Variants in PPP2R2B observed in about 807,000 individuals in gnomAD.
PPP2R2B encodes the protein protein phosphatase 2 regulatory subunit Bbeta, also known as serine/threonine-protein phosphatase 2A 55 kDa regulatory subunit B beta isoform.
PPP2R2B carries 5 observed loss-of-function variants against 46.0 expected under a neutral mutation model. The observed-to-expected ratio is 0.11, with a 90% CI of 0.06 to 0.23. The LOEUF (loss-of-function observed/expected upper bound fraction) is 0.23. Among genes scored for constraint, PPP2R2B ranks in the 10% least tolerant of loss-of-function variants. The pLI, the probability that PPP2R2B is intolerant of heterozygous loss-of-function variation, is 1.00. For missense variants in PPP2R2B, 367 were observed against 575.0 expected (o/e 0.64, Z 3.70); for synonymous variants, 215 against 206.7 (o/e 1.04, Z -0.34).
chr5:146,730,424 G>A (rs992748196), intron 2 of PPP2R2B, among the ~76,000 whole-genome samples: 3 of 152,130 alleles, frequency 2.0e-5, no homozygotes, highest in Admixed American at 6.5e-5. Flanking sequence ...GGGACTACTG[G>A]GGAGGCATGA....
At chr5:147,007,877 T>A (rs760820411) in intron 1 of PPP2R2B, among the ~76,000 whole-genome samples, 1 of 152,120 alleles carries the variant, frequency 6.6e-6, no homozygotes, top group Non-Finnish European at 1.5e-5. Context: ...CTTTAAGAAC[T>A]GTAACACTCA....
intron 2 of PPP2R2B, among the ~76,000 whole-genome samples, chr5:147,061,491 A>C (rs1757256924): frequency 6.6e-6 from 1 of 152,186 alleles, no homozygotes; most frequent in African/African-American, 2.4e-5. Context: ...TAATTTATTT[A>C]ACATTTGTTT....
chr5:146,964,237 A>G (rs1055734402), intron 1 of PPP2R2B, among the ~76,000 whole-genome samples: 1 of 152,246 alleles, frequency 6.6e-6, no homozygotes, highest in African/African-American at 2.4e-5. Flanking sequence ...GCATTCCATT[A>G]AACACTGTTG....
intron 1 of PPP2R2B, among the ~76,000 whole-genome samples, chr5:147,002,982 C>T: frequency 6.6e-6 from 1 of 152,010 alleles, no homozygotes; most frequent in Admixed American, 6.5e-5. Context: ...TCATTTTTTT[C>T]TGCACTATGG....
At chr5:147,031,272 G>T (rs1356054234) in intron 1 of PPP2R2B, among the ~76,000 whole-genome samples, 2 of 152,014 alleles carry the variant, frequency 1.3e-5, no homozygotes, top group African/African-American at 2.4e-5. Flanking sequence ...TATCTTAAGG[G>T]TTATTTTATT....
chr5:146,671,062 G>A (rs1055652255), intron 5 of PPP2R2B, among the ~76,000 whole-genome samples: 1 of 152,140 alleles, frequency 6.6e-6, no homozygotes. Flanking sequence ...ACATCAAACT[G>A]AGACTTTGGG....
chr5:147,067,912 C>T (rs1391176183), intron 2 of PPP2R2B, among the ~76,000 whole-genome samples: 1 of 152,144 alleles, frequency 6.6e-6, no homozygotes, highest in Non-Finnish European at 1.5e-5. Context: ...CTTGCTCTGA[C>T]ATCGTGTCTG....
intron 3 of PPP2R2B, among the ~76,000 whole-genome samples, chr5:146,698,856 G>T (rs1779373549): frequency 6.6e-6 from 1 of 151,568 alleles, no homozygotes; most frequent in South Asian, 2.1e-4. Context: ...CTTTCCTCTA[G>T]CGCTGATTAT....
At chr5:146,972,377 T>TTATCTCTGGATATGAATCACTAAG (rs1329190153) in intron 1 of PPP2R2B, among the ~76,000 whole-genome samples, 2 of 152,306 alleles carry the variant, frequency 1.3e-5, no homozygotes, top group East Asian at 3.9e-4. Context: ...TGCCACACAC[T>TTATCTCTGGATATGAATCACTAAG]TATCTCTGGA....
intron 1 of PPP2R2B, among the ~76,000 whole-genome samples, chr5:146,942,980 G>GTTCTCTAC (rs1384212676): frequency 3.9e-5 from 6 of 151,986 alleles, no homozygotes; most frequent in African/African-American, 4.8e-5. Flanking sequence ...TTTGTACTTA[G>GTTCTCTAC]TAGAGACAGG....
chr5:146,675,673 C>T (rs1348994460), intron 5 of PPP2R2B, among the ~76,000 whole-genome samples: 2 of 152,124 alleles, frequency 1.3e-5, no homozygotes, highest in African/African-American at 2.4e-5. Flanking sequence ...CAAATTGCCC[C>T]TTTCTGGAGC....
intron 2 of PPP2R2B, among the ~76,000 whole-genome samples, chr5:146,740,360 A>G (rs559684565): frequency 6.6e-6 from 1 of 152,280 alleles, no homozygotes; most frequent in East Asian, 1.9e-4. Context: ...CTGATAGTTA[A>G]CCCAGTCTTT....
At chr5:147,053,636 T>C (rs1391633765) in intron 1 of PPP2R2B, among the ~76,000 whole-genome samples, 4 of 152,020 alleles carry the variant, frequency 2.6e-5, no homozygotes, top group Non-Finnish European at 5.9e-5. Flanking sequence ...AACCAGTTTC[T>C]GGTGGCAAAG....
intron 5 of PPP2R2B, among the ~76,000 whole-genome samples, chr5:146,655,774 A>T (rs1776283436): frequency 6.6e-6 from 1 of 152,148 alleles, no homozygotes; most frequent in African/African-American, 2.4e-5. Flanking sequence ...CATGGAGGTC[A>T]TCAGGCACTG....
At chr5:146,597,762 T>C (rs1248728271) in intron 8 of PPP2R2B, among the ~76,000 whole-genome samples, 1 of 152,242 alleles carries the variant, frequency 6.6e-6, no homozygotes, top group East Asian at 1.9e-4. Flanking sequence ...GCTAATGACC[T>C]TACTACTTAT....
chr5:146,799,712 C>CT (rs1756752442), intron 2 of PPP2R2B, among the ~76,000 whole-genome samples: 1 of 152,214 alleles, frequency 6.6e-6, no homozygotes, highest in Admixed American at 6.5e-5. Context: ...TAGCTCTCTG[C>CT]TAATGACTAT....
intron 7 of PPP2R2B, among the ~76,000 whole-genome samples, chr5:146,636,538 G>C (rs573546600): frequency 2.0e-5 from 3 of 152,208 alleles, no homozygotes; most frequent in Admixed American, 6.5e-5. Context: ...TGGTAGGTTG[G>C]GCCAACCCAG....
At chr5:146,626,210 T>C (rs1018457476) in intron 7 of PPP2R2B, among the ~76,000 whole-genome samples, 2 of 152,184 alleles carry the variant, frequency 1.3e-5, no homozygotes, top group African/African-American at 4.8e-5. Context: ...TTGATTTCAC[T>C]GTGGAGGGGA....
chr5:147,054,089 A>T (rs1354551444), intron 1 of PPP2R2B, among the ~76,000 whole-genome samples: 13 of 152,204 alleles, frequency 8.5e-5, no homozygotes, highest in Admixed American at 8.5e-4. Context: ...ATTTTAATGA[A>T]ATAAATCAGT....
Sources: gnomAD v4.1 joint callset for allele counts (sites outside exome capture counted in the v4.1 genomes callset) on GRCh38, gnomAD v4.1.1 for gene constraint, MANE v1.5 for transcripts, NCBI Gene and HGNC (gene_info 2026-07-23, HGNC 2026-07-21) for gene names.